GABRG3: variants seen among roughly 807,000 people sequenced by gnomAD.
GABRG3 encodes the protein gamma-aminobutyric acid type A receptor subunit gamma3.
Under a neutral mutation model 48.8 loss-of-function variants are expected in GABRG3, and 25 were observed. The observed-to-expected ratio is 0.51, with a 90% CI of 0.37 to 0.72. GABRG3 has a LOEUF of 0.72. Ranked by LOEUF, GABRG3 falls within the 30% of genes least tolerant of loss-of-function variation. The pLI is 0.00. For synonymous variants in GABRG3, 227 were observed against 217.6 expected, an observed-to-expected ratio of 1.04 and a Z score of -0.38; for missense variants, 394 against 577.9, an observed-to-expected ratio of 0.68 and a Z score of 3.26.
chr15:27,481,113 C>T, intron 6 of GABRG3: 5 of 1,104,534 alleles, frequency 4.5e-6, no homozygotes, highest in South Asian at 4.3e-5. Context: ...TTTCCACGTA[C>T]ATAAGAAGAA....
chr15:27,228,469 T>C (rs1459513357), intron 3 of GABRG3, among the ~76,000 whole-genome samples: 2 of 152,230 alleles, frequency 1.3e-5, no homozygotes, highest in East Asian at 1.9e-4. Context: ...CTACCGTTGA[T>C]GGGCATTTAG....
At chr15:27,102,039 T>C (rs1190897485) in intron 3 of GABRG3, among the ~76,000 whole-genome samples, 1 of 151,998 alleles carries the variant, frequency 6.6e-6, no homozygotes, top group Admixed American at 6.6e-5. Context: ...ATAAAAGATG[T>C]ACCACGTCCG....
chr15:27,168,935 G>C (rs1217327348), intron 3 of GABRG3, among the ~76,000 whole-genome samples: 1 of 152,230 alleles, frequency 6.6e-6, no homozygotes, highest in Non-Finnish European at 1.5e-5. Context: ...CCTGAGGAGA[G>C]AGCCGTGCAG....
intron 2 of GABRG3, among the ~76,000 whole-genome samples, chr15:26,995,577 A>T (rs973161455): frequency 6.6e-6 from 1 of 151,554 alleles, no homozygotes; most frequent in Non-Finnish European, 1.5e-5. Flanking sequence ...TTCTAGTAGA[A>T]GATTTTGGTT....
At chr15:27,446,567 T>A (rs8026779) in intron 5 of GABRG3, among the ~76,000 whole-genome samples, 32,426 of 151,836 alleles carry the variant, frequency 0.21, 4,993 homozygotes, top group African/African-American at 0.41. Flanking sequence ...GAAAAAAAAA[T>A]TTTGTAGTTT....
chr15:27,531,660 T>C (rs1414795760), intron 9 of GABRG3, among the ~76,000 whole-genome samples: 2 of 152,188 alleles, frequency 1.3e-5, no homozygotes, highest in African/African-American at 4.8e-5. Context: ...TTAGTTCCCT[T>C]CCATTATTCA....
intron 3 of GABRG3, among the ~76,000 whole-genome samples, chr15:27,306,488 A>C (rs1892460058): frequency 7.1e-6 from 1 of 140,306 alleles, no homozygotes; most frequent in Admixed American, 7.4e-5. Flanking sequence ...AAACATATAT[A>C]TAATATAAAC....
chr15:27,494,317 G>C (rs1029891424), intron 6 of GABRG3, among the ~76,000 whole-genome samples: 1 of 151,928 alleles, frequency 6.6e-6, no homozygotes, highest in Non-Finnish European at 1.5e-5. Flanking sequence ...ATCTTGTTGA[G>C]AGTTTTTAAA....
At chr15:27,469,796 G>A (rs1412747338) in intron 5 of GABRG3, among the ~76,000 whole-genome samples, 2 of 152,186 alleles carry the variant, frequency 1.3e-5, no homozygotes, top group East Asian at 3.9e-4. Context: ...TCTGTAAACA[G>A]TAGTTAATTC....
At chr15:27,403,415 C>T (rs1348382137) in intron 5 of GABRG3, among the ~76,000 whole-genome samples, 2 of 152,114 alleles carry the variant, frequency 1.3e-5, no homozygotes, top group Non-Finnish European at 2.9e-5. Flanking sequence ...AAATTCCAAA[C>T]CCCTATAAAC....
At chr15:27,080,399 C>T (rs562707996) in intron 3 of GABRG3, among the ~76,000 whole-genome samples, 2 of 152,286 alleles carry the variant, frequency 1.3e-5, no homozygotes, top group East Asian at 3.9e-4. Flanking sequence ...GAATTCAAGT[C>T]TGCAGTGAGC....
intron 3 of GABRG3, among the ~76,000 whole-genome samples, chr15:27,233,344 A>G (rs372083178): frequency 1.3e-5 from 2 of 151,956 alleles, no homozygotes; most frequent in Non-Finnish European, 2.9e-5. Context: ...TCAGCTCAGG[A>G]TGCTCTAACA....
intron 6 of GABRG3, among the ~76,000 whole-genome samples, chr15:27,491,143 A>G (rs1890343932): frequency 6.6e-6 from 1 of 152,184 alleles, no homozygotes; most frequent in South Asian, 2.1e-4. Context: ...TGCTACTGAG[A>G]TGCTCACGCT....
intron 5 of GABRG3, chr15:27,340,839 G>A: frequency 3.5e-6 from 1 of 284,766 alleles, no homozygotes; most frequent in Non-Finnish European, 7.1e-6. Flanking sequence ...GTAAAGCAAG[G>A]ACGACTTTGC....
chr15:27,315,814 TG>T (rs1257274215), intron 3 of GABRG3, among the ~76,000 whole-genome samples: 2 of 152,262 alleles, frequency 1.3e-5, no homozygotes, highest in Non-Finnish European at 2.9e-5. Flanking sequence ...GAAGCCTATA[TG>T]TAGCTTATAC....
chr15:27,047,649 G>A (rs562509454), intron 3 of GABRG3, among the ~76,000 whole-genome samples: 1 of 152,320 alleles, frequency 6.6e-6, no homozygotes, highest in South Asian at 2.1e-4. Context: ...TACCTTGCAA[G>A]CCTCCTTATA....
At chr15:27,016,277 C>T (rs1895778404) in intron 2 of GABRG3, among the ~76,000 whole-genome samples, 2 of 148,408 alleles carry the variant, frequency 1.3e-5, no homozygotes, top group Admixed American at 6.7e-5. Context: ...CACTCTGTCA[C>T]CTAGGCTGGA....
chr15:27,291,182 A>T (rs1327683111), intron 3 of GABRG3, among the ~76,000 whole-genome samples: 1 of 152,214 alleles, frequency 6.6e-6, no homozygotes, highest in African/African-American at 2.4e-5. Flanking sequence ...AGTTGCTTGT[A>T]CTAAACATTT....
chr15:27,077,245 G>A (rs1307658997), intron 3 of GABRG3, among the ~76,000 whole-genome samples: 5 of 152,274 alleles, frequency 3.3e-5, no homozygotes, highest in South Asian at 4.1e-4. Context: ...GTTGCAGCGC[G>A]TTTGTGGTTA....
Sources: allele counts gnomAD v4.1 joint callset (sites outside exome capture counted in the v4.1 genomes callset), GRCh38; gene constraint gnomAD v4.1.1; transcripts MANE v1.5; gene names NCBI Gene and HGNC (gene_info 2026-07-23, HGNC 2026-07-21).